Variants in COG5 observed in about 807,000 individuals in gnomAD.
COG5 encodes the protein component of oligomeric golgi complex 5.
Under a neutral mutation model 110.4 loss-of-function variants are expected in COG5, and 86 were observed. That is an observed-to-expected ratio of 0.78 (90% CI 0.65 to 0.93). The LOEUF (loss-of-function observed/expected upper bound fraction) is 0.93. Ranked by LOEUF, COG5 falls within the 40% of genes least tolerant of loss-of-function variation. The pLI is 0.00. For missense variants in COG5, 1,077 were observed against 987.0 expected (o/e 1.09, Z -1.22); for synonymous variants, 360 against 334.6 (o/e 1.08, Z -0.83).
intron 6 of COG5, among the ~76,000 whole-genome samples, chr7:107,415,866 A>G (rs1430554769): frequency 1.1e-5 from 1 of 94,642 alleles, no homozygotes; most frequent in East Asian, 2.9e-4. Context: ...ACATACACGT[A>G]TGTATGTATG....
chr7:107,347,114 T>G (rs2129039155), intron 10 of COG5, among the ~76,000 whole-genome samples: 1 of 152,328 alleles, frequency 6.6e-6, no homozygotes, highest in South Asian at 2.1e-4. Context: ...AAAGTTATTC[T>G]GATTATAAAT....
chr7:107,348,551 C>T (rs1026630879), intron 10 of COG5, among the ~76,000 whole-genome samples: 2 of 152,144 alleles, frequency 1.3e-5, no homozygotes, highest in Non-Finnish European at 1.5e-5. Flanking sequence ...CTGTCCATTT[C>T]TACTTGTATT....
intron 7 of COG5, among the ~76,000 whole-genome samples, chr7:107,387,262 A>G (rs1158435301): frequency 1.3e-5 from 2 of 152,220 alleles, no homozygotes; most frequent in Non-Finnish European, 2.9e-5. Flanking sequence ...CTCAGCCTGG[A>G]CAGCAGAGGC....
At chr7:107,562,810 T>A (rs1399993690) in intron 1 of COG5, among the ~76,000 whole-genome samples, 1 of 152,240 alleles carries the variant, frequency 6.6e-6, no homozygotes, top group Non-Finnish European at 1.5e-5. Context: ...AATTTGGAAC[T>A]TTATTTCATT....
At chr7:107,525,169 G>A (rs553851733) in intron 6 of COG5, among the ~76,000 whole-genome samples, 55 of 151,540 alleles carry the variant, frequency 3.6e-4, no homozygotes, top group African/African-American at 1.0e-3. Flanking sequence ...CTCATGATCC[G>A]CCCGCCTCAG....
chr7:107,333,517 C>T (rs1810448247), intron 10 of COG5, among the ~76,000 whole-genome samples: 1 of 151,986 alleles, frequency 6.6e-6, no homozygotes, highest in Admixed American at 6.6e-5. Flanking sequence ...ATTTATAATG[C>T]AATCAACTTT....
chr7:107,357,179 A>G (rs947637883), intron 10 of COG5, among the ~76,000 whole-genome samples: 21 of 152,294 alleles, frequency 1.4e-4, no homozygotes, highest in Non-Finnish European at 2.4e-4. Flanking sequence ...CTTAGCAAAA[A>G]TATTTGTTTA....
intron 6 of COG5, among the ~76,000 whole-genome samples, chr7:107,449,252 T>C (rs933850944): frequency 6.6e-6 from 1 of 152,150 alleles, no homozygotes; most frequent in African/African-American, 2.4e-5. Flanking sequence ...AGATGATGGG[T>C]TGATAGATGC....
intron 6 of COG5, among the ~76,000 whole-genome samples, chr7:107,511,880 T>C (rs1380653780): frequency 2.6e-5 from 4 of 152,294 alleles, no homozygotes; most frequent in South Asian, 4.1e-4. Context: ...AAATTAGGTA[T>C]TGATGGGACA....
At chr7:107,447,740 T>C (rs1338934759) in intron 6 of COG5, among the ~76,000 whole-genome samples, 4 of 152,252 alleles carry the variant, frequency 2.6e-5, no homozygotes, top group Admixed American at 6.5e-5. Context: ...ATTCAAGCTA[T>C]ATTATGACAT....
intron 6 of COG5, among the ~76,000 whole-genome samples, chr7:107,487,995 G>C (rs1020485317): frequency 4.6e-5 from 7 of 151,898 alleles, no homozygotes. Context: ...ATCAACATAT[G>C]CCTCAATTTT....
At chr7:107,216,599 C>A (rs930952496) in intron 19 of COG5, among the ~76,000 whole-genome samples, 1 of 152,112 alleles carries the variant, frequency 6.6e-6, no homozygotes, top group Non-Finnish European at 1.5e-5. Flanking sequence ...TAGGAAAAAT[C>A]TTTGAAATGC....
intron 14 of COG5, among the ~76,000 whole-genome samples, chr7:107,258,838 C>T (rs908017863): frequency 6.6e-5 from 10 of 151,184 alleles, no homozygotes; most frequent in African/African-American, 1.7e-4. Context: ...AAGAGAGAGA[C>T]GGGAAGGAGG....
At chr7:107,269,433 C>A (rs1394927844) in intron 14 of COG5, among the ~76,000 whole-genome samples, 1 of 151,312 alleles carries the variant, frequency 6.6e-6, no homozygotes, top group African/African-American at 2.4e-5. Context: ...CGAGATCGTG[C>A]CACTGCACTC....
In COG5 at chr7:107,211,996, A is replaced by G. The variant is rs369653380; in HGVS notation, c.2169-771T>C. Among the ~76,000 whole-genome samples the G allele has an allele frequency of 2.0e-5, 3 of 152,214 alleles. No homozygotes were observed. The East Asian group carries it at 5.8e-4, about 29-fold the overall frequency. On this transcript the variant is annotated intron_variant, in intron 19 of 21. Transcript: ENST00000297135. ...CTTGACAGATGAGATAATGATTCTG[A>G]ACCATGTAAAACGGCACTGTATCCT...
Position 107,278,342 on chromosome 7 carries a change from T to C in COG5, c.1575+2958A>G, listed in dbSNP as rs554688964. Among the ~76,000 whole-genome samples the C allele has an allele frequency of 2.0e-5, 3 of 152,254 alleles. No individual in the cohort carries two copies. The South Asian group carries it at 6.2e-4, about 32-fold the overall frequency. ...AACGTGCAGATTTGTTACATAGGTA[T>C]ACACGTGCCATGGTGGTTTGCTGCA... On this transcript the variant is annotated intron_variant, in intron 14 of 21. Coordinates refer to ENST00000297135, the MANE Select transcript of COG5 (RefSeq NM_006348.5).
chr7:107,255,290 T>C (rs1802801025), intron 16 of COG5, among the ~76,000 whole-genome samples: 1 of 152,038 alleles, frequency 6.6e-6, no homozygotes, highest in African/African-American at 2.4e-5. Context: ...TATGGAAAAA[T>C]ATTTTAAAGC....
chr7:107,384,478 T>C (rs1373216758), intron 7 of COG5, among the ~76,000 whole-genome samples: 2 of 152,160 alleles, frequency 1.3e-5, no homozygotes, highest in Non-Finnish European at 2.9e-5. Flanking sequence ...CAGGAAGCAC[T>C]GTACCAGGGA....
chr7:107,344,099 C>T (rs886438925), intron 10 of COG5, among the ~76,000 whole-genome samples: 36 of 152,244 alleles, frequency 2.4e-4, no homozygotes, highest in Non-Finnish European at 2.8e-4. Flanking sequence ...ATCAGCCTAT[C>T]CTTTGAAGCT....
Sources: gnomAD v4.1 joint callset for allele counts (sites outside exome capture counted in the v4.1 genomes callset) on GRCh38, gnomAD v4.1.1 for gene constraint, MANE v1.5 for transcripts, NCBI Gene and HGNC (gene_info 2026-07-23, HGNC 2026-07-21) for gene names.